Variants in SEMA6D observed in about 807,000 individuals in gnomAD.
The protein encoded by SEMA6D is semaphorin 6D.
A neutral mutation model predicts 106.6 loss-of-function variants in SEMA6D; 35 were observed. The ratio of observed to expected loss-of-function variants is 0.33; its 90% CI spans 0.25 to 0.44. The LOEUF is 0.44. Ranked by LOEUF, SEMA6D falls within the 20% of genes least tolerant of loss-of-function variation. The pLI is 1.00. For missense variants in SEMA6D, 1,185 were observed against 1,345.9 expected, an observed-to-expected ratio of 0.88 and a Z score of 1.87; for synonymous variants, 499 against 487.7, an observed-to-expected ratio of 1.02 and a Z score of -0.31.
At chr15:47,760,129 G>C (rs79581779) in intron 2 of SEMA6D, 175 bp from the exon 3 acceptor site, 6 of 471,232 alleles carry the variant, frequency 1.3e-5, no homozygotes, top group Non-Finnish European at 2.3e-5. Context: ...TATATTTTGA[G>C]TTAAAAAGAC....
At chr15:47,309,512 A>G (rs1050208747) in intron 1 of SEMA6D, among the ~76,000 whole-genome samples, 1 of 152,192 alleles carries the variant, frequency 6.6e-6, no homozygotes, top group Admixed American at 6.5e-5. Context: ...AATGCCGAAG[A>G]GAAGCCATAA....
chr15:47,582,374 T>C (rs140725950), intron 3 of SEMA6D, among the ~76,000 whole-genome samples: 111 of 152,330 alleles, frequency 7.3e-4, no homozygotes, highest in Non-Finnish European at 1.4e-3. Context: ...CTTAGATGGA[T>C]TGACACTTGT....
chr15:47,411,753 G>A (rs1448548224), intron 1 of SEMA6D, among the ~76,000 whole-genome samples: 1 of 152,146 alleles, frequency 6.6e-6, no homozygotes, highest in African/African-American at 2.4e-5. Context: ...CCATGGGCTC[G>A]CATTTCTTCT....
intron 1 of SEMA6D, 150 bp downstream of exon 1, chr15:47,717,842 G>A (rs2079180270): frequency 1.1e-5 from 1 of 94,308 alleles, no homozygotes; most frequent in Non-Finnish European, 2.7e-5. Context: ...CTGTGTGTGT[G>A]TGTGTGTGTG....
chr15:47,644,617 GC>G (rs1276480247), intron 4 of SEMA6D, among the ~76,000 whole-genome samples: 2 of 152,190 alleles, frequency 1.3e-5, no homozygotes, highest in African/African-American at 4.8e-5. Context: ...TTGCTCTCTT[GC>G]CCTTCTGCCT....
chr15:47,725,817 T>TGCCAAGAATTTCTCC (rs1567028787), intron 1 of SEMA6D, among the ~76,000 whole-genome samples: 3 of 151,934 alleles, frequency 2.0e-5, no homozygotes, highest in African/African-American at 7.2e-5. Context: ...TCAATTGCTT[T>TGCCAAGAATTTCTCC]GCCAAGAATT....
intron 1 of SEMA6D, among the ~76,000 whole-genome samples, chr15:47,310,447 T>C (rs965507877): frequency 4.6e-5 from 7 of 152,216 alleles, no homozygotes; most frequent in Admixed American, 1.3e-4. Context: ...TTATTTGCAA[T>C]GAGCCAATTG....
At chr15:47,414,399 G>A (rs1478507668) in intron 2 of SEMA6D, among the ~76,000 whole-genome samples, 1 of 152,126 alleles carries the variant, frequency 6.6e-6, no homozygotes, top group African/African-American at 2.4e-5. Flanking sequence ...AAGGGGCTGA[G>A]TTAAACTGAA....
intron 2 of SEMA6D, among the ~76,000 whole-genome samples, chr15:47,436,526 T>C (rs373954929): frequency 3.0e-4 from 45 of 151,024 alleles, no homozygotes; most frequent in East Asian, 1.4e-3. Flanking sequence ...ATTACTAATA[T>C]ATGTATATAT....
intron 1 of SEMA6D, among the ~76,000 whole-genome samples, chr15:47,345,892 G>A (rs1457288945): frequency 6.6e-6 from 1 of 152,082 alleles, no homozygotes; most frequent in African/African-American, 2.4e-5. Flanking sequence ...TTCTCATCTC[G>A]ATTATGGTGA....
At chr15:47,713,535 T>C (rs2079058676), upstream of SEMA6D, among the ~76,000 whole-genome samples, 1 of 152,188 alleles carries the variant, frequency 6.6e-6, no homozygotes. Context: ...CTTAGATTAG[T>C]TTTGAAAGCA....
intron 4 of SEMA6D, among the ~76,000 whole-genome samples, chr15:47,628,547 A>T (rs2077241183): frequency 6.6e-6 from 1 of 151,770 alleles, no homozygotes; most frequent in Admixed American, 6.6e-5. Flanking sequence ...CTTTTTTTCT[A>T]ACTATATATC....
chr15:47,353,587 A>G (rs2038417319), intron 1 of SEMA6D, among the ~76,000 whole-genome samples: 1 of 152,100 alleles, frequency 6.6e-6, no homozygotes, highest in African/African-American at 2.4e-5. Context: ...CTAAACTTTA[A>G]TACCATGTTA....
intron 1 of SEMA6D, among the ~76,000 whole-genome samples, chr15:47,194,678 T>C (rs1349719030): frequency 1.3e-5 from 2 of 152,206 alleles, no homozygotes; most frequent in Non-Finnish European, 2.9e-5. Flanking sequence ...CCTGATGTCA[T>C]GACATAAAAA....
At chr15:47,442,829 G>A (rs1275338191) in intron 2 of SEMA6D, among the ~76,000 whole-genome samples, 1 of 152,056 alleles carries the variant, frequency 6.6e-6, no homozygotes, top group African/African-American at 2.4e-5. Flanking sequence ...AAAAGGCTTT[G>A]TTGTAAAATA....
chr15:47,504,856 C>T (rs958353199), intron 3 of SEMA6D, among the ~76,000 whole-genome samples: 8 of 152,044 alleles, frequency 5.3e-5, no homozygotes, highest in African/African-American at 1.7e-4. Context: ...GGAGTGTCTG[C>T]GGGAATCATC....
intron 1 of SEMA6D, among the ~76,000 whole-genome samples, chr15:47,310,594 TTA>T (rs1287987555): frequency 4.6e-5 from 7 of 152,114 alleles, no homozygotes; most frequent in Non-Finnish European, 8.8e-5. Context: ...TTTTTTTAAC[TTA>T]AACTTAAGTA....
At chr15:47,503,609 A>G (rs904999895) in intron 3 of SEMA6D, among the ~76,000 whole-genome samples, 1 of 152,144 alleles carries the variant, frequency 6.6e-6, no homozygotes, top group African/African-American at 2.4e-5. Flanking sequence ...TATGGCATAA[A>G]CATTAATGTC....
chr15:47,184,308 C>T (rs903058034), exon 1 of SEMA6D: 3 of 152,482 alleles, frequency 2.0e-5, no homozygotes, highest in Non-Finnish European at 4.4e-5. Context: ...TTCCAGTCCT[C>T]GATAAGTGGA....
Sources: gnomAD v4.1 joint callset for allele counts (sites outside exome capture counted in the v4.1 genomes callset) on GRCh38, gnomAD v4.1.1 for gene constraint, MANE v1.5 for transcripts, NCBI Gene and HGNC (gene_info 2026-07-23, HGNC 2026-07-21) for gene names.